The following RORB variants were observed in gnomAD, a reference collection of about 807,000 sequenced individuals.
RORB encodes nuclear receptor ROR-beta.
Under a neutral mutation model 59.1 loss-of-function variants are expected in RORB, and 6 were observed. That is an observed-to-expected ratio of 0.10 (90% CI 0.06 to 0.20). RORB has a LOEUF of 0.20. RORB is among the 10% of genes least tolerant of loss of function. RORB has a pLI of 1.00. For missense variants in RORB, 320 were observed against 560.5 expected (o/e 0.57, Z 4.33); for synonymous variants, 215 against 204.5 (o/e 1.05, Z -0.44).
At chr9:74,676,307 A>T (rs1375133748) in intron 9 of RORB, among the ~76,000 whole-genome samples, 1 of 152,202 alleles carries the variant, frequency 6.6e-6, no homozygotes, top group Non-Finnish European at 1.5e-5. Flanking sequence ...AATAGATACA[A>T]CACTCCTGGA....
At chr9:74,597,949 ACT>A (rs1342939537) in intron 1 of RORB, among the ~76,000 whole-genome samples, 3 of 151,840 alleles carry the variant, frequency 2.0e-5, no homozygotes, top group African/African-American at 7.3e-5. Flanking sequence ...CAACAGTGAA[ACT>A]CTGTCTCAAA....
intron 9 of RORB, among the ~76,000 whole-genome samples, chr9:74,680,992 T>C (rs1427124684): frequency 6.6e-6 from 1 of 152,170 alleles, no homozygotes; most frequent in Non-Finnish European, 1.5e-5. Context: ...TTTCTTCTTG[T>C]AGACCCCTGT....
intron 1 of RORB, among the ~76,000 whole-genome samples, chr9:74,560,949 G>C (rs1822388593): frequency 6.6e-6 from 1 of 152,116 alleles, no homozygotes. Context: ...TTGAAATCCA[G>C]TATGAGACTG....
intron 1 of RORB, among the ~76,000 whole-genome samples, chr9:74,603,481 G>A (rs1823101256): frequency 6.6e-6 from 1 of 152,136 alleles, no homozygotes. Context: ...CAAGTCCAAA[G>A]CCCATGCCAC....
intron 9 of RORB, among the ~76,000 whole-genome samples, chr9:74,673,558 A>G (rs1260189321): frequency 6.6e-6 from 1 of 152,150 alleles, no homozygotes; most frequent in Non-Finnish European, 1.5e-5. Flanking sequence ...TAAAATGTTT[A>G]TGCTTGCACC....
intron 1 of RORB, among the ~76,000 whole-genome samples, chr9:74,505,710 C>A (rs1418795648): frequency 6.6e-6 from 1 of 151,962 alleles, no homozygotes; most frequent in African/African-American, 2.4e-5. Flanking sequence ...AAATGAGGTC[C>A]ATTAAATTAC....
chr9:74,578,549 AC>A (rs1237823896), intron 1 of RORB, among the ~76,000 whole-genome samples: 2 of 152,146 alleles, frequency 1.3e-5, no homozygotes, highest in African/African-American at 4.8e-5. Flanking sequence ...AAAATGGAAG[AC>A]AAAAAATTAA....
chr9:74,519,191 C>T (rs925930327), intron 1 of RORB, among the ~76,000 whole-genome samples: 1 of 151,942 alleles, frequency 6.6e-6, no homozygotes, highest in Admixed American at 6.6e-5. Context: ...TTGATAAAGT[C>T]GAGATGGAGC....
chr9:74,643,390 T>A (rs1823842838), intron 4 of RORB, among the ~76,000 whole-genome samples: 2 of 152,200 alleles, frequency 1.3e-5, no homozygotes, highest in Non-Finnish European at 1.5e-5. Flanking sequence ...TAGTCTGGAA[T>A]CTTATAGAAC....
intron 1 of RORB, among the ~76,000 whole-genome samples, chr9:74,551,217 G>C (rs1223347988): frequency 6.6e-6 from 1 of 152,178 alleles, no homozygotes. Context: ...ACTTTGGATA[G>C]TAGTAAACCC....
chr9:74,663,337 T>A (rs1397724145), intron 6 of RORB, among the ~76,000 whole-genome samples: 1 of 152,202 alleles, frequency 6.6e-6, no homozygotes, highest in African/African-American at 2.4e-5. Flanking sequence ...ACATCTCAAG[T>A]AATCTTGTGA....
intron 1 of RORB, among the ~76,000 whole-genome samples, chr9:74,543,116 G>A (rs1298103927): frequency 2.0e-5 from 3 of 152,040 alleles, no homozygotes; most frequent in Admixed American, 6.6e-5. Flanking sequence ...TCAGACAGAC[G>A]GGCCCATCAA....
At position 74,641,317 on chromosome 9, in the gene RORB, G is replaced by C. The variant is rs1195381204; in HGVS notation, c.236-1097G>C. On this transcript the variant is annotated intron_variant, in intron 3 of 9. Coordinates refer to ENST00000376896, the MANE Select transcript of RORB (RefSeq NM_006914.4). ...TAAGAAACAACACACTGAAATGAAA[G>C]CACCTTGATATTACCCTGTGACTAC... Among the ~76,000 whole-genome samples the C allele has an allele frequency of 5.3e-5, 8 of 152,288 alleles. No homozygotes were observed. The East Asian group carries it at 1.5e-3, about 29-fold the overall frequency.
At chr9:74,525,907 A>G (rs1423461598) in intron 1 of RORB, among the ~76,000 whole-genome samples, 2 of 151,992 alleles carry the variant, frequency 1.3e-5, no homozygotes, top group Non-Finnish European at 2.9e-5. Flanking sequence ...AGAGTTAATT[A>G]CTAAATTTTT....
At chr9:74,521,738 C>T (rs538125473) in intron 1 of RORB, among the ~76,000 whole-genome samples, 16 of 151,830 alleles carry the variant, frequency 1.1e-4, no homozygotes, top group African/African-American at 3.6e-4. Flanking sequence ...GTTAATTTTT[C>T]ATCGTTTTAT....
chr9:74,547,177 T>C (rs1826511537), intron 1 of RORB, among the ~76,000 whole-genome samples: 1 of 152,038 alleles, frequency 6.6e-6, no homozygotes, highest in Non-Finnish European at 1.5e-5. Context: ...CTGGAGAGAA[T>C]TAAAACTATA....
At position 74,685,630 on chromosome 9, in the gene RORB, G is replaced by C; in HGVS notation, c.*12G>C. 6.3e-7 allele frequency: 1 copy of C among 1,578,026 alleles called. No homozygotes were observed. The highest frequency in any genetic ancestry group is 1.1e-5 in the South Asian group (1 of 87,540). On this transcript the variant is annotated 3_prime_UTR_variant, in exon 10 of 10. Transcript: ENST00000376896. Reference sequence around the variant, plus strand: ...CCGGCTGCAAATGAAGGGGACAAGAGAACTGTCTCATAGTCATGGAATGCA... The same window carrying C: ...CCGGCTGCAAATGAAGGGGACAAGACAACTGTCTCATAGTCATGGAATGCA...
intron 1 of RORB, among the ~76,000 whole-genome samples, chr9:74,509,159 C>T (rs983886048): frequency 6.6e-6 from 1 of 152,020 alleles, no homozygotes; most frequent in African/African-American, 2.4e-5. Context: ...TAGCTCTCCA[C>T]AGCTTTCACT....
In RORB at chr9:74,621,228, A is replaced by C. The variant is rs183707316; in HGVS notation, c.8-9054A>C. Among the ~76,000 whole-genome samples, 421 of 152,270 alleles carry C rather than the reference A, an allele frequency of 2.8e-3. 1 individual carries two copies. Among genetic ancestry groups the C allele is most frequent in the African/African-American group, 9.6e-3 (400 of 41,556 alleles). Reference sequence around the variant, plus strand: ...TTACAGTATTGTACAGAATAGTTTCACTTCCCTAACAATTCCCTGCCCTTC... The same window carrying C: ...TTACAGTATTGTACAGAATAGTTTCCCTTCCCTAACAATTCCCTGCCCTTC... On this transcript the variant is annotated intron_variant, in intron 1 of 9. Coordinates refer to ENST00000376896, the MANE Select transcript of RORB (RefSeq NM_006914.4).
Sources: allele counts gnomAD v4.1 joint callset (sites outside exome capture counted in the v4.1 genomes callset), GRCh38; gene constraint gnomAD v4.1.1; transcripts MANE v1.5; gene names NCBI Gene and HGNC (gene_info 2026-07-23, HGNC 2026-07-21).